Variants in CUL2 observed in about 807,000 individuals in gnomAD.
The protein encoded by CUL2 is cullin-2.
Under a neutral mutation model 110.2 loss-of-function variants are expected in CUL2, and 22 were observed. The ratio of observed to expected loss-of-function variants is 0.20; its 90% CI spans 0.14 to 0.28. The LOEUF is 0.28. Among genes scored for constraint, CUL2 ranks in the 10% least tolerant of loss-of-function variants. CUL2 has a pLI of 1.00. For missense variants in CUL2, 631 were observed against 905.5 expected (o/e 0.70, Z 3.89); for synonymous variants, 279 against 293.2 (o/e 0.95, Z 0.49).
At chr10:35,084,302 G>T (rs1182122743) in intron 1 of CUL2, among the ~76,000 whole-genome samples, 1 of 152,090 alleles carries the variant, frequency 6.6e-6, no homozygotes, top group Non-Finnish European at 1.5e-5. Context: ...CACAGTATCA[G>T]TCTGAATTTT....
chr10:35,045,231 C>G (rs926686846), intron 6 of CUL2, among the ~76,000 whole-genome samples: 2 of 152,156 alleles, frequency 1.3e-5, no homozygotes, highest in Admixed American at 1.3e-4. Flanking sequence ...TCACTCACTA[C>G]AAACTACAAA....
At chr10:35,117,699 TATTACTG>T (rs1169549499) in intron 1 of CUL2, among the ~76,000 whole-genome samples, 5 of 152,198 alleles carry the variant, frequency 3.3e-5, no homozygotes, top group African/African-American at 1.2e-4. Flanking sequence ...GTGAGTGGTG[TATTACTG>T]AAGGTTCCTA....
At chr10:35,109,323 T>C (rs2087500679) in intron 1 of CUL2, among the ~76,000 whole-genome samples, 1 of 152,226 alleles carries the variant, frequency 6.6e-6, no homozygotes. Context: ...CATCCATCAA[T>C]CTTTCATTCC....
intron 1 of CUL2, among the ~76,000 whole-genome samples, chr10:35,117,456 C>T (rs552952292): frequency 5.0e-4 from 76 of 151,934 alleles, no homozygotes; most frequent in African/African-American, 1.8e-3. Context: ...TCTTGAACTC[C>T]TGAGCTCAAG....
At chr10:35,034,639 T>G (rs991607070) in intron 10 of CUL2, among the ~76,000 whole-genome samples, 1 of 152,202 alleles carries the variant, frequency 6.6e-6, no homozygotes, top group Non-Finnish European at 1.5e-5. Context: ...CAGTACAAAC[T>G]GTTACAGTCA....
upstream of CUL2, chr10:35,126,824 C>T (rs2087863282): frequency 2.0e-5 from 3 of 152,328 alleles, no homozygotes; most frequent in Admixed American, 2.0e-4. Flanking sequence ...ACCTTCCCGC[C>T]GCCCCTCCCC....
At chr10:35,105,511 C>T (rs1411053747) in intron 1 of CUL2, among the ~76,000 whole-genome samples, 1 of 151,214 alleles carries the variant, frequency 6.6e-6, no homozygotes, top group African/African-American at 2.4e-5. Context: ...GGAGACCATC[C>T]TGGCTAACAC....
intron 2 of CUL2, among the ~76,000 whole-genome samples, chr10:35,065,352 G>A (rs2086490129): frequency 6.6e-6 from 1 of 152,176 alleles, no homozygotes; most frequent in Non-Finnish European, 1.5e-5. Flanking sequence ...CAGCCATGAT[G>A]ACTCACGCCT....
At chr10:35,098,191 T>C (rs911206595) in intron 2 of CUL2, 6 of 152,172 alleles carry the variant, frequency 3.9e-5, no homozygotes, top group African/African-American at 1.4e-4. Flanking sequence ...ATCCTTTATA[T>C]TTCTTTGCAG....
At chr10:35,063,371 T>C (rs569986972) in intron 2 of CUL2, among the ~76,000 whole-genome samples, 1 of 152,186 alleles carries the variant, frequency 6.6e-6, no homozygotes, top group Non-Finnish European at 1.5e-5. Flanking sequence ...CCCAGAATCC[T>C]ACAAAATAAG....
At chr10:35,013,571 C>G in intron 19 of CUL2, 128 bp downstream of exon 19, 1 of 592,130 alleles carries the variant, frequency 1.7e-6, no homozygotes. Flanking sequence ...CAACAACAAA[C>G]CAGAAAAGAC....
At chr10:35,084,004 C>T (rs2087001722) in intron 1 of CUL2, among the ~76,000 whole-genome samples, 1 of 152,176 alleles carries the variant, frequency 6.6e-6, no homozygotes, top group South Asian at 2.1e-4. Context: ...AGGCCAGGCA[C>T]AGTGGCTCAC....
At chr10:35,058,796 T>A (rs961442730) in intron 4 of CUL2, among the ~76,000 whole-genome samples, 2 of 152,198 alleles carry the variant, frequency 1.3e-5, no homozygotes, top group African/African-American at 4.8e-5. Flanking sequence ...AAGAACCTCT[T>A]TGGACAAAAC....
chr10:35,080,730 C>T (rs1032678221), intron 1 of CUL2, among the ~76,000 whole-genome samples: 17 of 152,096 alleles, frequency 1.1e-4, no homozygotes, highest in Admixed American at 4.6e-4. Flanking sequence ...ACTAGGATTA[C>T]AGGCGTGTGC....
exon 2 of CUL2, chr10:35,100,867 A>G (rs547834389): frequency 2.0e-5 from 3 of 152,152 alleles, no homozygotes; most frequent in Admixed American, 6.6e-5. Flanking sequence ...CATCACCGCA[A>G]TCAGGATACA....
chr10:35,069,980 T>C (rs2086637904), intron 2 of CUL2, among the ~76,000 whole-genome samples: 1 of 152,234 alleles, frequency 6.6e-6, no homozygotes, highest in Non-Finnish European at 1.5e-5. Flanking sequence ...AGAATCTATA[T>C]TGGTTATCCT....
intron 1 of CUL2, among the ~76,000 whole-genome samples, chr10:35,105,639 C>T (rs142152605): frequency 0.14 from 21,102 of 149,752 alleles, 1,792 homozygotes; most frequent in East Asian, 0.23. Flanking sequence ...CCCCGGGAGG[C>T]AGAGGTTGCA....
Position 35,031,695 on chromosome 10 carries a change from G to T in CUL2, c.1171-76C>A. ...CACGCCTCAAAGGAGGCAAAGTGGT[G>T]ATACAAGGTAAGATCAGCGGACAGA... On this transcript the variant is annotated intron_variant, in intron 12 of 20. Transcript: ENST00000374749. This position sits in a 1 kb window ranked among gnomAD's most constrained non-coding sequence, Gnocchi z 4.4. The T allele has an allele frequency of 6.6e-7, 1 of 1,504,630 alleles. No homozygotes were observed. Among genetic ancestry groups the T allele is most frequent in the South Asian group, 1.2e-5 (1 of 86,006 alleles). The allele number at this position is 1,504,630 out of a possible 1,614,324, so 93.2% of individuals were successfully genotyped here. A position where few individuals can be genotyped will look rare whatever the true frequency, so the allele number is the denominator to read the frequency against.
At chr10:35,060,111 A>G (rs978048401) in intron 4 of CUL2, among the ~76,000 whole-genome samples, 1 of 152,096 alleles carries the variant, frequency 6.6e-6, no homozygotes, top group Admixed American at 6.5e-5. Flanking sequence ...AATGAACAAC[A>G]TTAGCCAGGC....
Sources: allele counts gnomAD v4.1 joint callset (sites outside exome capture counted in the v4.1 genomes callset), GRCh38; gene constraint gnomAD v4.1.1; non-coding constraint Gnocchi (gnomAD v3.1); transcripts MANE v1.5; gene names NCBI Gene and HGNC (gene_info 2026-07-23, HGNC 2026-07-21).